STUM: variants seen among roughly 807,000 people sequenced by gnomAD.
STUM encodes protein stum homolog.
STUM carries 8 observed loss-of-function variants against 15.3 expected under a neutral mutation model. The ratio of observed to expected loss-of-function variants is 0.52; its 90% CI spans 0.31 to 0.94. The LOEUF is 0.94. Among genes scored for constraint, STUM ranks in the 40% least tolerant of loss-of-function variants. The pLI, the probability that STUM is intolerant of heterozygous loss-of-function variation, is 0.05. For synonymous variants in STUM, 78 were observed against 88.7 expected, an observed-to-expected ratio of 0.88 and a Z score of 0.68; for missense variants, 142 against 204.9, an observed-to-expected ratio of 0.69 and a Z score of 1.87.
Position 226,605,487 on chromosome 1 carries a change from C to T in STUM, c.*3447C>T, listed in dbSNP as rs1010232097. On this transcript the variant is annotated 3_prime_UTR_variant, in exon 4 of 4. Transcript: ENST00000366788. This position sits in a 1 kb window ranked among gnomAD's most constrained non-coding sequence, Gnocchi z 4.0. ...AGAGCAGGTCCTGTGGAGGGGTCCT[C>T]ACCCCTCAGGAGTAATAGGGTGATT... 1 of 152,254 alleles carries T rather than the reference C, an allele frequency of 6.6e-6. No individual in the cohort carries two copies. Among genetic ancestry groups the T allele is most frequent in the African/African-American group, 2.4e-5 (1 of 41,432 alleles). The allele number at this position is 152,254 out of a possible 1,614,324, so 9.4% of individuals were successfully genotyped here. A position where few individuals can be genotyped will look rare whatever the true frequency, so the allele number is the denominator to read the frequency against.
At chr1:226,579,090 C>T (rs1667870718) in intron 1 of STUM, among the ~76,000 whole-genome samples, 2 of 152,276 alleles carry the variant, frequency 1.3e-5, no homozygotes, top group South Asian at 4.2e-4. Flanking sequence ...GGTGGGTTCT[C>T]GCCTGGCCCA....
chr1:226,592,510 T>G (rs913345756), intron 1 of STUM, among the ~76,000 whole-genome samples: 3 of 152,200 alleles, frequency 2.0e-5, no homozygotes, highest in Non-Finnish European at 2.9e-5. Context: ...GGGATAATAA[T>G]AACTACCTCC....
At chr1:226,572,613 C>T (rs929082195) in intron 1 of STUM, among the ~76,000 whole-genome samples, 3 of 152,322 alleles carry the variant, frequency 2.0e-5, no homozygotes, top group Non-Finnish European at 4.4e-5. Context: ...AGGGAAGCCT[C>T]CTGAGTTCCC....
At chr1:226,555,754 A>G (rs1667436907) in intron 1 of STUM, among the ~76,000 whole-genome samples, 1 of 152,226 alleles carries the variant, frequency 6.6e-6, no homozygotes, top group Non-Finnish European at 1.5e-5. Flanking sequence ...TTTGAGCTCA[A>G]AACTTTCTAA....
At chr1:226,591,427 C>A (rs1015860673) in intron 1 of STUM, among the ~76,000 whole-genome samples, 3 of 152,246 alleles carry the variant, frequency 2.0e-5, no homozygotes, top group African/African-American at 7.2e-5. Flanking sequence ...TGACACCACA[C>A]ACATGCTAAG....
At chr1:226,595,233 C>T (rs1359776087) in intron 1 of STUM, among the ~76,000 whole-genome samples, 2 of 152,192 alleles carry the variant, frequency 1.3e-5, no homozygotes, top group South Asian at 2.1e-4. Flanking sequence ...GAAGATAAAG[C>T]GTCTCACCCT....
At chr1:226,557,954 C>G (rs1002663556) in intron 1 of STUM, among the ~76,000 whole-genome samples, 16 of 152,176 alleles carry the variant, frequency 1.1e-4, no homozygotes, top group Admixed American at 1.0e-3. Context: ...GATAAAAAAT[C>G]TCACCAAAGT....
chr1:226,590,983 T>A (rs1485039724), intron 1 of STUM, among the ~76,000 whole-genome samples: 1 of 152,204 alleles, frequency 6.6e-6, no homozygotes, highest in South Asian at 2.1e-4. Context: ...CCATCACCTG[T>A]CTGGGCTCCC....
At chr1:226,550,047 C>A (rs1384532861) in intron 1 of STUM, among the ~76,000 whole-genome samples, 3 of 152,200 alleles carry the variant, frequency 2.0e-5, no homozygotes, top group African/African-American at 7.2e-5. Context: ...GGAGGTGCCC[C>A]CCTCTCCCGT....
chr1:226,573,760 A>G (rs1432435495), intron 1 of STUM, among the ~76,000 whole-genome samples: 2 of 152,130 alleles, frequency 1.3e-5, no homozygotes, highest in Non-Finnish European at 2.9e-5. Context: ...ATCTCCTCAC[A>G]TAGTTACGTT....
intron 2 of STUM, among the ~76,000 whole-genome samples, chr1:226,598,832 A>G (rs758997522): frequency 1.3e-5 from 2 of 152,312 alleles, no homozygotes; most frequent in South Asian, 2.1e-4. Flanking sequence ...CTTTGCATCA[A>G]ACTTTTGAGA....
At position 226,602,897 on chromosome 1, in the gene STUM, A is replaced by C. The variant is rs1668294503; in HGVS notation, c.*857A>C. The C allele has an allele frequency of 6.6e-6, 1 of 152,208 alleles. No homozygotes were observed. Among genetic ancestry groups the C allele is most frequent in the Admixed American group, 6.5e-5 (1 of 15,288 alleles). The allele number at this position is 152,208 out of a possible 1,614,324, so 9.4% of individuals were successfully genotyped here. ...GGCCAGATGTGTCTCCGAATTGAGA[A>C]ATTTTAGATTTGAGAAAGACAATGC... On this transcript the variant is annotated 3_prime_UTR_variant, in exon 4 of 4. Transcript: ENST00000366788.
intron 1 of STUM, among the ~76,000 whole-genome samples, chr1:226,564,592 C>A (rs1440328161): frequency 6.6e-6 from 1 of 152,214 alleles, no homozygotes; most frequent in Non-Finnish European, 1.5e-5. Context: ...GGTCTACCTG[C>A]CACTCTAATT....
At chr1:226,584,307 C>T (rs1404820840) in intron 1 of STUM, among the ~76,000 whole-genome samples, 1 of 152,190 alleles carries the variant, frequency 6.6e-6, no homozygotes, top group Non-Finnish European at 1.5e-5. Flanking sequence ...AGCGTGGTGG[C>T]TGGGTTCAAG....
At chr1:226,553,414 T>G (rs1319903292) in intron 1 of STUM, among the ~76,000 whole-genome samples, 1 of 152,058 alleles carries the variant, frequency 6.6e-6, no homozygotes, top group East Asian at 1.9e-4. Flanking sequence ...TGCAAAAGCA[T>G]TAAGATCCAA....
At chr1:226,566,730 C>T (rs1352277382) in intron 1 of STUM, among the ~76,000 whole-genome samples, 2 of 152,168 alleles carry the variant, frequency 1.3e-5, no homozygotes, top group Non-Finnish European at 2.9e-5. Context: ...GACTTTTTGC[C>T]ACCATGTCAC....
chr1:226,572,283 T>C (rs573267399), intron 1 of STUM, among the ~76,000 whole-genome samples: 3 of 152,302 alleles, frequency 2.0e-5, no homozygotes, highest in Admixed American at 1.3e-4. Flanking sequence ...GACTCTGAGA[T>C]TCTCAGGGCT....
chr1:226,562,924 A>AATAT (rs1458317698), intron 1 of STUM, among the ~76,000 whole-genome samples: 2 of 152,214 alleles, frequency 1.3e-5, no homozygotes, highest in Admixed American at 6.5e-5. Context: ...TATATAAGAG[A>AATAT]ATATCTTTGT....
At chr1:226,582,588 G>A (rs1667937193) in intron 1 of STUM, among the ~76,000 whole-genome samples, 2 of 98,516 alleles carry the variant, frequency 2.0e-5, no homozygotes, top group African/African-American at 4.3e-5. Flanking sequence ...AGAGCAACAT[G>A]CCATCTCAAA....
Sources: gnomAD v4.1 joint callset for allele counts (sites outside exome capture counted in the v4.1 genomes callset) on GRCh38, gnomAD v4.1.1 for gene constraint, Gnocchi (gnomAD v3.1) non-coding constraint, MANE v1.5 for transcripts, NCBI Gene and HGNC (gene_info 2026-07-23, HGNC 2026-07-21) for gene names.